Variants in UGT1A10 observed in about 807,000 individuals in gnomAD.
UGT1A10 encodes UDP glucuronosyltransferase family 1 member A10, also known as UDP-glucuronosyltransferase 1A10.
A neutral mutation model predicts 45.8 loss-of-function variants in UGT1A10; 49 were observed. That is an observed-to-expected ratio of 1.07 (90% CI 0.85 to 1.36). UGT1A10 has a LOEUF of 1.36. UGT1A10 is among the 40% of genes most tolerant of loss of function. UGT1A10 has a pLI of 0.00. For missense variants in UGT1A10, 745 were observed against 668.6 expected (o/e 1.11, Z -1.26); for synonymous variants, 284 against 249.7 (o/e 1.14, Z -1.29).
intron 1 of UGT1A10, chr2:233,693,165 A>G: frequency 2.5e-6 from 4 of 1,614,194 alleles, no homozygotes; most frequent in Non-Finnish European, 3.4e-6. Context: ...GACCGGGGTC[A>G]TGAGATTGTA....
At chr2:233,768,719 A>G (rs553176637) in intron 4 of UGT1A10, among the ~76,000 whole-genome samples, 366 of 149,864 alleles carry the variant, frequency 2.4e-3, no homozygotes, top group African/African-American at 8.5e-3. Flanking sequence ...TGTAGCTGGG[A>G]TTACAGGTGT....
chr2:233,706,757 A>G (rs2075922753), intron 1 of UGT1A10, among the ~76,000 whole-genome samples: 1 of 152,212 alleles, frequency 6.6e-6, no homozygotes, highest in African/African-American at 2.4e-5. Context: ...AGAGTGCCGT[A>G]CACTGGTATC....
chr2:233,671,641 T>C (rs2074195175), intron 1 of UGT1A10, among the ~76,000 whole-genome samples: 2 of 152,226 alleles, frequency 1.3e-5, no homozygotes, highest in Admixed American at 6.5e-5. Flanking sequence ...TCCAAAAGCA[T>C]TGGTTAATAA....
chr2:233,670,537 A>G (rs2074161639), intron 1 of UGT1A10, among the ~76,000 whole-genome samples: 1 of 151,998 alleles, frequency 6.6e-6, no homozygotes, highest in East Asian at 1.9e-4. Context: ...TTTAATAGGA[A>G]TTTGTTTTCT....
At position 233,636,787 on chromosome 2, in the gene UGT1A10, G is replaced by A. The variant is rs267599268; in HGVS notation, c.265G>A (p.Glu89Lys). ...TSYTLEDQNR[E>K]FMVFAHAQWK... is the part of the protein sequence containing the mutation. ...GTACACTCTGGAAGATCAGAACCGG[G>A]AATTCATGGTTTTCGCCCATGCTCA... The change falls in exon 1 of 5, where the codon GAA (glutamate) becomes AAA (lysine). Residue 89 changes from glutamate to lysine, a missense_variant. Coordinates refer to ENST00000344644, the MANE Select transcript of UGT1A10 (RefSeq NM_019075.4). 6.2e-7 allele frequency: 1 copy of A among 1,614,180 alleles called. No individual in the cohort carries two copies. Among genetic ancestry groups the A allele is most frequent in the Non-Finnish European group, 8.5e-7 (1 of 1,180,024 alleles).
At chr2:233,714,961 C>T (rs2076425235) in intron 1 of UGT1A10, among the ~76,000 whole-genome samples, 1 of 152,180 alleles carries the variant, frequency 6.6e-6, no homozygotes, top group South Asian at 2.1e-4. Context: ...ATTGCAACCT[C>T]CACCTCCCAG....
intron 1 of UGT1A10, among the ~76,000 whole-genome samples, chr2:233,655,225 G>A (rs559496034): frequency 6.6e-6 from 1 of 152,252 alleles, no homozygotes; most frequent in South Asian, 2.1e-4. Flanking sequence ...TGATCACCAG[G>A]GCAAAGTCTA....
chr2:233,658,793 C>T (rs568146325), intron 1 of UGT1A10, among the ~76,000 whole-genome samples: 1 of 152,340 alleles, frequency 6.6e-6, no homozygotes, highest in South Asian at 2.1e-4. Context: ...TACTGCTAAA[C>T]ATCTATTTCT....
rs1243580572 is a variant in UGT1A10 at position 233,689,974 on chromosome 2, A to G, written c.855+52597A>G. ...TATTTCCATGCTTGGAGGAACCCAC[A>G]GGCCCCTAAAAGGGATTCTCACTTC... On this transcript the variant is annotated intron_variant, in intron 1 of 4. Coordinates refer to ENST00000344644, the MANE Select transcript of UGT1A10 (RefSeq NM_019075.4). 12 of 455,280 alleles carry G rather than the reference A, an allele frequency of 2.6e-5. No homozygotes were observed. The East Asian group carries it at 7.7e-4, about 29-fold the overall frequency. 28.2% of individuals were successfully genotyped at this position (455,280 alleles called of 1,614,324 possible). A position where few individuals can be genotyped will look rare whatever the true frequency, so the allele number is the denominator to read the frequency against.
chr2:233,653,185 T>C lies in UGT1A10; in HGVS notation c.855+15808T>C, dbSNP rs181740050. Among the ~76,000 whole-genome samples the C allele has an allele frequency of 1.7e-4, 26 of 152,330 alleles. No individual in the cohort carries two copies. In the East Asian group the frequency reaches 4.8e-3, roughly 28 times the overall value. The stretch of plus-strand genomic sequence containing the variant: ...CAAATGTAATTCCAGAAAAAATAAC[T>C]TTAAAAATTATTTATTTGAAAGATA... On this transcript the variant is annotated intron_variant, in intron 1 of 4. Transcript: ENST00000344644.
At chr2:233,719,518 G>A (rs751977605) in intron 1 of UGT1A10, 2 of 1,613,954 alleles carry the variant, frequency 1.2e-6, no homozygotes, top group Non-Finnish European at 1.7e-6. Context: ...CCTTATGCAA[G>A]TCTTGCCTCT....
chr2:233,636,794 T>C lies in UGT1A10; in HGVS notation c.272T>C (p.Met91Thr), dbSNP rs141009803. 35 of 1,614,238 alleles carry C rather than the reference T, an allele frequency of 2.2e-5. No individual in the cohort carries two copies. In the African/African-American group the frequency reaches 3.9e-4, roughly 18 times the overall value. The change falls in exon 1 of 5, where the codon ATG (methionine) becomes ACG (threonine). Residue 91 changes from methionine (M) to threonine (T), a missense_variant. Coordinates refer to ENST00000344644, the MANE Select transcript of UGT1A10 (RefSeq NM_019075.4). The stretch of plus-strand genomic sequence containing the variant: ...CTGGAAGATCAGAACCGGGAATTCA[T>C]GGTTTTCGCCCATGCTCAATGGAAA... ...YTLEDQNREF[M>T]VFAHAQWKAQ...
chr2:233,636,947 T>C lies in UGT1A10; in HGVS notation c.425T>C (p.Phe142Ser). Residue 142 changes from phenylalanine (F) to serine (S), a missense_variant, in exon 1 of 5, where the codon TTT becomes TCT. Phe to Ser is a radical substitution (Grantham distance 155). Transcript: ENST00000344644. ...KLVEYLKESS[F>S]DAVFLDPFDT... ...GTAGAATACTTAAAGGAGAGTTCTT[T>C]TGATGCAGTGTTTCTGGATCCTTTT... 5 of 1,614,198 alleles carry C rather than the reference T, an allele frequency of 3.1e-6. No homozygotes were observed. Among genetic ancestry groups the C allele is most frequent in the Non-Finnish European group, 4.2e-6 (5 of 1,180,036 alleles).
rs567044237 is a variant in UGT1A10 at position 233,708,043 on chromosome 2, C to A, written c.856-58991C>A. 5.3e-5 allele frequency among the ~76,000 whole-genome samples: 8 copies of A among 152,266 alleles called. No homozygotes were observed. In the East Asian group the frequency reaches 1.5e-3, roughly 29 times the overall value. Reference sequence around the variant, plus strand: ...AGTTCTTTGGCAGTTATAGATATTGCAAATATCTTCCCCCACTCTGCATCT... The same window carrying A: ...AGTTCTTTGGCAGTTATAGATATTGAAAATATCTTCCCCCACTCTGCATCT... On this transcript the variant is annotated intron_variant, in intron 1 of 4. Transcript: ENST00000344644.
Position 233,769,697 on chromosome 2 carries a change from A to C in UGT1A10, c.1295+1258A>C. The C allele has an allele frequency of 6.5e-7, 1 of 1,535,580 alleles. No individual in the cohort carries two copies. The highest frequency in any genetic ancestry group is 8.8e-7 in the Non-Finnish European group (1 of 1,140,024). On this transcript the variant is annotated intron_variant, in intron 4 of 4. Transcript: ENST00000344644. The surrounding 1 kb of genome is among the most constrained non-coding windows in gnomAD (Gnocchi z 4.4). ...TGTGTGTGTGGTGGCACTGGATAAA[A>C]GATCAATGTTGGCTAGGCACCATGG...
At chr2:233,741,151 C>T (rs1377389492) in intron 1 of UGT1A10, among the ~76,000 whole-genome samples, 2 of 151,930 alleles carry the variant, frequency 1.3e-5, no homozygotes, top group Admixed American at 6.5e-5. Flanking sequence ...TATGACAGCA[C>T]TAATCCAGGA....
chr2:233,672,482 G>A (rs746547264), intron 1 of UGT1A10: 2 of 1,613,912 alleles, frequency 1.2e-6, no homozygotes, highest in Admixed American at 3.3e-5. Context: ...GGTGCACAGT[G>A]CCCTGCTCCT....
At position 233,714,001 on chromosome 2, in the gene UGT1A10, G is replaced by A. The variant is rs1295021780; in HGVS notation, c.856-53033G>A. 4.5e-6 allele frequency: 7 copies of A among 1,551,344 alleles called. No homozygotes were observed. The African/African-American group carries it at 5.5e-5, about 12-fold the overall frequency. On this transcript the variant is annotated intron_variant, in intron 1 of 4. Coordinates refer to ENST00000344644, the MANE Select transcript of UGT1A10 (RefSeq NM_019075.4). ...TCATTGTTGTAATAGTCTTCAGTGA[G>A]ATAAACTTTTAAAGGGTCAATGGTA...
At chr2:233,648,627 AT>A (rs56737893) in intron 1 of UGT1A10, among the ~76,000 whole-genome samples, 150,422 of 150,488 alleles carry the variant, frequency 1, 75,179 homozygotes, top group Middle Eastern at 1. Flanking sequence ...CGCCTGGCTA[AT>A]TTTTTTTTTG....
Sources: allele counts gnomAD v4.1 joint callset (sites outside exome capture counted in the v4.1 genomes callset), GRCh38; gene constraint gnomAD v4.1.1; non-coding constraint Gnocchi (gnomAD v3.1); transcripts MANE v1.5; gene names NCBI Gene and HGNC (gene_info 2026-07-23, HGNC 2026-07-21).